Variants in RTN1 observed in about 807,000 individuals in gnomAD.
RTN1 encodes reticulon 1, also known as reticulon-1.
RTN1 carries 25 observed loss-of-function variants against 65.5 expected under a neutral mutation model. The observed-to-expected ratio is 0.38, with a 90% CI of 0.28 to 0.53. The LOEUF is 0.53. Among genes scored for constraint, RTN1 ranks in the 20% least tolerant of loss-of-function variants. The probability of loss-of-function intolerance (pLI) is 0.79; values close to 1 mark genes in which losing one functional copy is unlikely to be tolerated. For missense variants in RTN1, 983 were observed against 1,025.4 expected, an observed-to-expected ratio of 0.96 and a Z score of 0.57; for synonymous variants, 471 against 447.6, an observed-to-expected ratio of 1.05 and a Z score of -0.66.
At chr14:59,851,779 C>T (rs1344390658) in intron 1 of RTN1, among the ~76,000 whole-genome samples, 1 of 151,302 alleles carries the variant, frequency 6.6e-6, no homozygotes, top group Non-Finnish European at 1.5e-5. Context: ...ATCGCTTGAA[C>T]CTGGGAGGTG....
chr14:59,696,558 A>G (rs187767588), intron 3 of RTN1, among the ~76,000 whole-genome samples: 1 of 151,838 alleles, frequency 6.6e-6, no homozygotes, highest in East Asian at 1.9e-4. Flanking sequence ...GCTATTTACT[A>G]CAGCTGCATG....
intron 1 of RTN1, among the ~76,000 whole-genome samples, chr14:59,814,109 C>T (rs1886777264): frequency 6.6e-6 from 1 of 152,182 alleles, no homozygotes; most frequent in African/African-American, 2.4e-5. Context: ...TATAGATTTG[C>T]TCTCATGCAC....
At chr14:59,756,847 T>TTG (rs1555359263) in intron 1 of RTN1, among the ~76,000 whole-genome samples, 3 of 147,810 alleles carry the variant, frequency 2.0e-5, no homozygotes, top group African/African-American at 7.6e-5. Flanking sequence ...TTTTGTTTTT[T>TTG]TTTTTTTGTC....
intron 3 of RTN1, among the ~76,000 whole-genome samples, chr14:59,620,662 C>A (rs7154819): frequency 0.77 from 116,591 of 152,126 alleles, 46,893 homozygotes; most frequent in East Asian, 0.99. Flanking sequence ...CAGTGCTGGT[C>A]TAGAAACATA....
chr14:59,655,597 G>A (rs922161165), intron 3 of RTN1, among the ~76,000 whole-genome samples: 21 of 152,222 alleles, frequency 1.4e-4, no homozygotes, highest in African/African-American at 5.1e-4. Context: ...GATCAAGACA[G>A]GGTGGTGGTA....
chr14:59,688,342 T>C (rs896153586), intron 3 of RTN1, among the ~76,000 whole-genome samples: 1 of 152,190 alleles, frequency 6.6e-6, no homozygotes, highest in African/African-American at 2.4e-5. Context: ...CTAGGAGGTT[T>C]CCCAGCTCCA....
intron 2 of RTN1, among the ~76,000 whole-genome samples, chr14:59,728,309 G>A (rs907428970): frequency 3.0e-5 from 4 of 131,992 alleles, no homozygotes; most frequent in Non-Finnish European, 6.2e-5. Flanking sequence ...GATCACTTCT[G>A]CCAATTCCAC....
At position 59,821,310 on chromosome 14, in the gene RTN1, C is replaced by T. The variant is rs142012031; in HGVS notation, c.241+49080G>A. Among the ~76,000 whole-genome samples, 481 of 152,248 alleles carry T rather than the reference C, an allele frequency of 3.2e-3. 3 individuals are homozygous for T. Among genetic ancestry groups the T allele is most frequent in the Non-Finnish European group, 5.6e-3 (380 of 68,018 alleles). The stretch of plus-strand genomic sequence containing the variant: ...ATTGCATTCTTGATTTGGCTCTCAG[C>T]TTGGATGTTGTTGGTCTACAGAAAT... On this transcript the variant is annotated intron_variant, in intron 1 of 8. Transcript: ENST00000267484.
intron 3 of RTN1, among the ~76,000 whole-genome samples, chr14:59,666,701 C>T (rs554291005): frequency 6.6e-6 from 1 of 151,520 alleles, no homozygotes; most frequent in South Asian, 2.1e-4. Flanking sequence ...GCTAGCAAGA[C>T]TAATAAAGAA....
chr14:59,723,024 CT>C (rs1015433896), intron 3 of RTN1, among the ~76,000 whole-genome samples: 3 of 152,098 alleles, frequency 2.0e-5, no homozygotes, highest in Non-Finnish European at 2.9e-5. Flanking sequence ...TCTTGAACTC[CT>C]GGGCTCAAGT....
chr14:59,840,456 A>G (rs1887290684), intron 1 of RTN1, among the ~76,000 whole-genome samples: 1 of 152,170 alleles, frequency 6.6e-6, no homozygotes, highest in African/African-American at 2.4e-5. Flanking sequence ...GCACAATCTT[A>G]TATTCTCTGT....
chr14:59,853,516 C>T (rs1887546624), intron 1 of RTN1, among the ~76,000 whole-genome samples: 1 of 152,160 alleles, frequency 6.6e-6, no homozygotes, highest in African/African-American at 2.4e-5. Flanking sequence ...GCTCTTTCAA[C>T]CAGAGTCAAG....
rs1250474981 is a variant in RTN1, at chr14:59,849,989, G to A, written c.241+20401C>T. ...TTTGTCTATTTGTGTCCATTCCAGG[G>A]GCCAAGCCTCTCCTTTCACCGCCAC... On this transcript the variant is annotated intron_variant, in intron 1 of 8. Transcript: ENST00000267484. This position sits in a 1 kb window ranked among gnomAD's most constrained non-coding sequence, Gnocchi z 4.5. Among the ~76,000 whole-genome samples the A allele has an allele frequency of 6.6e-6, 1 of 151,788 alleles. No individual in the cohort carries two copies. The highest frequency in any genetic ancestry group is 2.4e-5 in the African/African-American group (1 of 41,280).
chr14:59,805,134 T>C (rs557281866), intron 1 of RTN1, among the ~76,000 whole-genome samples: 125 of 152,364 alleles, frequency 8.2e-4, no homozygotes, highest in African/African-American at 2.7e-3. Flanking sequence ...CTTTCCTTCA[T>C]TCAGGTCTCT....
chr14:59,730,289 GAGA>G (rs1420720361), intron 2 of RTN1, among the ~76,000 whole-genome samples: 3 of 152,208 alleles, frequency 2.0e-5, no homozygotes, highest in Admixed American at 1.3e-4. Flanking sequence ...TTTGGGGCAT[GAGA>G]AGGAGAGGAA....
At chr14:59,675,078 A>AC (rs1182138509) in intron 3 of RTN1, among the ~76,000 whole-genome samples, 3 of 118,010 alleles carry the variant, frequency 2.5e-5, no homozygotes, top group African/African-American at 6.3e-5. Context: ...CACACACACA[A>AC]ACACACACAC....
In RTN1 at chr14:59,745,998, G is replaced by C; in HGVS notation, c.725C>G (p.Pro242Arg). The C allele has an allele frequency of 6.2e-7, 1 of 1,614,100 alleles. No individual in the cohort carries two copies. The highest frequency in any genetic ancestry group is 8.5e-7 in the Non-Finnish European group (1 of 1,180,006). ...GATGATTTTTCCCTCCACAGGAGCT[G>C]GTTTGTCAGGTTCACGGACTCCTTC... ...KPEGVREPDK[P>R]APVEGKIIKD... Residue 242 changes from proline (P) to arginine (R), a missense_variant, in exon 2 of 9, where the codon CCA becomes CGA. This residue lies in a region of RTN1 where 818 missense variants were observed against 801.8 expected (regional missense o/e 1.02). Transcript: ENST00000267484.
intron 3 of RTN1, chr14:59,630,879 G>C: frequency 9.1e-6 from 9 of 987,516 alleles, no homozygotes; most frequent in Non-Finnish European, 1.1e-5. Flanking sequence ...AAGGGCTGAC[G>C]GTGGGGGTGA....
chr14:59,735,495 C>G (rs976523127), intron 2 of RTN1, among the ~76,000 whole-genome samples: 2 of 152,272 alleles, frequency 1.3e-5, no homozygotes, highest in Non-Finnish European at 2.9e-5. Context: ...AGAGACCCAT[C>G]TCACATGCAA....
Sources: gnomAD v4.1 joint callset for allele counts (sites outside exome capture counted in the v4.1 genomes callset) on GRCh38, gnomAD v4.1.1 for gene constraint, gnomAD v4.1.1 regional missense constraint, Gnocchi (gnomAD v3.1) non-coding constraint, MANE v1.5 for transcripts, NCBI Gene and HGNC (gene_info 2026-07-23, HGNC 2026-07-21) for gene names.